Variants in RPS6KA5 observed in about 807,000 individuals in gnomAD.
RPS6KA5 encodes ribosomal protein S6 kinase A5, also known as ribosomal protein S6 kinase alpha-5.
A neutral mutation model predicts 85.5 loss-of-function variants in RPS6KA5; 27 were observed. The ratio of observed to expected loss-of-function variants is 0.32; its 90% CI spans 0.23 to 0.44. The LOEUF (loss-of-function observed/expected upper bound fraction) is 0.44. Among genes scored for constraint, RPS6KA5 ranks in the 20% least tolerant of loss-of-function variants. RPS6KA5 has a pLI of 1.00. For missense variants in RPS6KA5, 811 were observed against 980.9 expected (o/e 0.83, Z 2.31); for synonymous variants, 334 against 348.2 (o/e 0.96, Z 0.46).
At chr14:90,955,890 T>C (rs1034820872) in intron 3 of RPS6KA5, among the ~76,000 whole-genome samples, 3 of 152,206 alleles carry the variant, frequency 2.0e-5, no homozygotes, top group Non-Finnish European at 4.4e-5. Flanking sequence ...TCTATGTTGT[T>C]AGGTACATCC....
intron 2 of RPS6KA5, among the ~76,000 whole-genome samples, chr14:90,994,561 ATTTTTTTTTTT>A (rs935828871): frequency 0.033 from 2,048 of 61,934 alleles, 42 homozygotes; most frequent in African/African-American, 0.12. Context: ...GATGTTTGTG[ATTTTTTTTTTT>A]TTTTTTTTTT....
intron 3 of RPS6KA5, among the ~76,000 whole-genome samples, chr14:90,974,751 C>T (rs2039485726): frequency 6.6e-6 from 1 of 152,186 alleles, no homozygotes; most frequent in African/African-American, 2.4e-5. Flanking sequence ...ACCTCACAGC[C>T]CAGCCAACTC....
At chr14:91,044,363 GAGAAAGAAAGAAGGAA>G (rs1259572309) in intron 1 of RPS6KA5, among the ~76,000 whole-genome samples, 240 of 13,210 alleles carry the variant, frequency 0.018, 2 homozygotes, top group African/African-American at 0.041. Flanking sequence ...AAGAAAGAAA[GAGAAAGAAAGAAGGAA>G]AGAAAGAAAG....
chr14:90,913,139 G>A (rs1259731937), intron 7 of RPS6KA5, among the ~76,000 whole-genome samples: 2 of 151,884 alleles, frequency 1.3e-5, no homozygotes, highest in Non-Finnish European at 2.9e-5. Context: ...TCGAACTCCT[G>A]ACCTCAAGTG....
chr14:90,998,519 G>A (rs1003741922), intron 2 of RPS6KA5, among the ~76,000 whole-genome samples: 1 of 152,118 alleles, frequency 6.6e-6, no homozygotes, highest in Admixed American at 6.5e-5. Flanking sequence ...CTATTTTTAA[G>A]GGAACTGAGT....
At chr14:90,951,243 T>C (rs1286108) in intron 3 of RPS6KA5, among the ~76,000 whole-genome samples, 114,013 of 151,848 alleles carry the variant, frequency 0.75, 42,970 homozygotes, top group East Asian at 0.97. Flanking sequence ...CAGCACTTTG[T>C]GAGGCCGAGG....
At position 90,977,872 on chromosome 14, in the gene RPS6KA5, T is replaced by C. The variant is rs193058752; in HGVS notation, c.394+434A>G. ...GAGTTCGAGAGCAGGCTGGCCAATA[T>C]GGCAAAACCCCATCTCTACTTAAAA... On this transcript the variant is annotated intron_variant, in intron 3 of 16. Coordinates refer to ENST00000614987, the MANE Select transcript of RPS6KA5 (RefSeq NM_004755.4). Among the ~76,000 whole-genome samples, 264 of 152,276 alleles carry C rather than the reference T, an allele frequency of 1.7e-3. 4 individuals are homozygous for C. The highest frequency in any genetic ancestry group is 4.0e-4 in the Non-Finnish European group (27 of 68,024).
Position 90,965,278 on chromosome 14 carries a change from G to A in RPS6KA5, c.394+13028C>T, listed in dbSNP as rs530679850. The stretch of plus-strand genomic sequence containing the variant: ...TGGGCACCTGTAATCCCAGGTACTC[G>A]GGAGGCTGAGGCTTGAACCTGGGAG... On this transcript the variant is annotated intron_variant, in intron 3 of 16. Transcript: ENST00000614987. Among the ~76,000 whole-genome samples the A allele has an allele frequency of 5.3e-5, 8 of 152,192 alleles. No individual in the cohort carries two copies. In the South Asian group the frequency reaches 6.2e-4, roughly 12 times the overall value.
chr14:91,036,067 A>G lies in RPS6KA5; in HGVS notation c.103+24265T>C, dbSNP rs78901769. 3.4e-3 allele frequency among the ~76,000 whole-genome samples: 515 copies of G among 150,928 alleles called. 4 individuals are homozygous for G. The highest frequency in any genetic ancestry group is 0.012 in the African/African-American group (475 of 41,218). Reference sequence around the variant, plus strand: ...GACAGGACTCAAAAAAGAAACAGAAAAGAGTACACAGACATTTTCAAAATA... The same window carrying G: ...GACAGGACTCAAAAAAGAAACAGAAGAGAGTACACAGACATTTTCAAAATA... On this transcript the variant is annotated intron_variant, in intron 1 of 16. Coordinates refer to ENST00000614987, the MANE Select transcript of RPS6KA5 (RefSeq NM_004755.4).
Position 90,871,351 on chromosome 14 carries a change from T to C in RPS6KA5, c.*723A>G, listed in dbSNP as rs2033097196. ...CAATATTACTTAAAACAGAGAGACATGTACCTTAATATTCTGCAATAACCA... is the reference window on the plus strand; with the variant it reads ...CAATATTACTTAAAACAGAGAGACACGTACCTTAATATTCTGCAATAACCA... On this transcript the variant is annotated 3_prime_UTR_variant, in exon 17 of 17. Coordinates refer to ENST00000614987, the MANE Select transcript of RPS6KA5 (RefSeq NM_004755.4). The C allele has an allele frequency of 6.6e-6, 1 of 152,630 alleles. No individual in the cohort carries two copies. The allele number at this position is 152,630 out of a possible 1,614,324, so 9.5% of individuals were successfully genotyped here.
intron 3 of RPS6KA5, among the ~76,000 whole-genome samples, chr14:90,974,037 C>CA (rs56212923): frequency 0.011 from 675 of 61,390 alleles, 16 homozygotes; most frequent in African/African-American, 0.017. Context: ...GACTCCATCT[C>CA]AAAAAAAAAA....
At chr14:90,991,050 A>G (rs1019676450) in intron 2 of RPS6KA5, among the ~76,000 whole-genome samples, 4 of 152,192 alleles carry the variant, frequency 2.6e-5, no homozygotes, top group African/African-American at 9.6e-5. Context: ...AAAAAAATAG[A>G]AAGTAGGCAG....
chr14:90,917,905 A>G (rs1031866369), intron 7 of RPS6KA5, among the ~76,000 whole-genome samples: 1 of 152,238 alleles, frequency 6.6e-6, no homozygotes, highest in African/African-American at 2.4e-5. Context: ...ATTTGTATGA[A>G]TAAACCACAA....
rs957531772 is a variant in RPS6KA5 at position 90,890,667 on chromosome 14, G to T, written c.1656C>A (p.Phe552Leu). The T allele has an allele frequency of 3.1e-6, 5 of 1,613,158 alleles. No individual in the cohort carries two copies. Among genetic ancestry groups the T allele is most frequent in the South Asian group, 2.2e-5 (2 of 90,986 alleles). The change falls in exon 14 of 17, where the codon TTC becomes TTA. Residue 552 changes from phenylalanine (F) to leucine (L), a missense_variant. This residue lies in a region of RPS6KA5 where 650 missense variants were observed against 793.4 expected (regional missense o/e 0.82). Transcript: ENST00000614987. ...TTTCCAAATTGTCATTTTCATCGGT[G>T]AACAATAAATTCTGCAAGATATCAA... is the stretch of plus-strand genomic sequence containing the variant. The part of the protein sequence containing the change: ...HRDLKPENLL[F>L]TDENDNLEIK...
intron 3 of RPS6KA5, among the ~76,000 whole-genome samples, chr14:90,958,719 A>G (rs1185924493): frequency 6.6e-6 from 1 of 152,102 alleles, no homozygotes; most frequent in Non-Finnish European, 1.5e-5. Context: ...GCATTGAAAA[A>G]ACAGACAAAA....
intron 1 of RPS6KA5, among the ~76,000 whole-genome samples, chr14:91,055,575 T>A (rs750811046): frequency 4.0e-5 from 6 of 151,894 alleles, no homozygotes; most frequent in Non-Finnish European, 8.8e-5. Context: ...AGCCCAGGAG[T>A]TGGAGACCAG....
chr14:90,886,903 T>G (rs145934438), intron 14 of RPS6KA5, among the ~76,000 whole-genome samples: 88 of 152,360 alleles, frequency 5.8e-4, no homozygotes, highest in African/African-American at 1.9e-3. Flanking sequence ...CTGGAGTATT[T>G]ATTTTATTCA....
chr14:90,979,842 C>A (rs1022818301), intron 2 of RPS6KA5, among the ~76,000 whole-genome samples: 2 of 152,190 alleles, frequency 1.3e-5, no homozygotes, highest in Non-Finnish European at 2.9e-5. Flanking sequence ...AGAACTGGCC[C>A]AAAGACTGAG....
chr14:90,948,065 A>G (rs1012092089), intron 3 of RPS6KA5, among the ~76,000 whole-genome samples: 10 of 152,232 alleles, frequency 6.6e-5, no homozygotes, highest in Admixed American at 2.0e-4. Flanking sequence ...GCCCAATAGT[A>G]TAAGTATTAC....
Sources: allele counts gnomAD v4.1 joint callset (sites outside exome capture counted in the v4.1 genomes callset), GRCh38; gene constraint gnomAD v4.1.1; regional missense constraint gnomAD v4.1.1; transcripts MANE v1.5; gene names NCBI Gene and HGNC (gene_info 2026-07-23, HGNC 2026-07-21).